ADGRF5: variants seen among roughly 807,000 people sequenced by gnomAD.
ADGRF5 encodes the protein G-protein coupled receptor 116.
In ADGRF5, 75 loss-of-function variants were observed where a neutral mutation model predicts 132.3. The observed-to-expected ratio is 0.57, with a 90% confidence interval of 0.47 to 0.69. The LOEUF (loss-of-function observed/expected upper bound fraction) is 0.69, where lower values mean the gene tolerates loss of function less well. Ranked by LOEUF, ADGRF5 falls within the 30% of genes least tolerant of loss-of-function variation. The probability of loss-of-function intolerance (pLI) is 0.00; values close to 1 mark genes in which losing one functional copy is unlikely to be tolerated. For missense variants in ADGRF5, 1,516 were observed against 1,630.6 expected, an observed-to-expected ratio of 0.93 and a Z score of 1.21; for synonymous variants, 629 against 597.6, an observed-to-expected ratio of 1.05 and a Z score of -0.77.
chr6:46,865,905 T>G (rs942121433), intron 13 of ADGRF5, among the ~76,000 whole-genome samples: 1 of 152,240 alleles, frequency 6.6e-6, no homozygotes, highest in East Asian at 1.9e-4. Context: ...CTCCCTTTCA[T>G]TGCCTACTAT....
intron 14 of ADGRF5, among the ~76,000 whole-genome samples, chr6:46,864,526 ATTT>A (rs200329634): frequency 0.22 from 31,594 of 141,528 alleles, 3,304 homozygotes; most frequent in East Asian, 0.36. Context: ...ACATGTAATA[ATTT>A]TTTTTTTTTT....
intron 10 of ADGRF5, among the ~76,000 whole-genome samples, chr6:46,875,190 C>G (rs1348961128): frequency 2.0e-5 from 3 of 152,012 alleles, no homozygotes; most frequent in African/African-American, 7.2e-5. Context: ...AGAAAAGGCT[C>G]CAAAGAGGTG....
At chr6:46,951,814 G>A (rs564183944) in intron 1 of ADGRF5, among the ~76,000 whole-genome samples, 6 of 152,292 alleles carry the variant, frequency 3.9e-5, no homozygotes, top group South Asian at 2.1e-4. Context: ...CAGGAGTCAC[G>A]GGCAAACTGT....
At chr6:46,863,530 G>C (rs577467278) in intron 14 of ADGRF5, among the ~76,000 whole-genome samples, 1 of 152,308 alleles carries the variant, frequency 6.6e-6, no homozygotes, top group Non-Finnish European at 1.5e-5. Context: ...ATAATTGCTA[G>C]TAGGAACTCT....
intron 1 of ADGRF5, among the ~76,000 whole-genome samples, chr6:46,939,310 A>T (rs550136400): frequency 6.6e-6 from 1 of 152,244 alleles, no homozygotes; most frequent in East Asian, 1.9e-4. Context: ...TGGATTGGGG[A>T]CAGGCAGGGC....
chr6:46,877,284 T>C (rs1185659738), intron 10 of ADGRF5, among the ~76,000 whole-genome samples: 4 of 46,880 alleles, frequency 8.5e-5, no homozygotes, highest in African/African-American at 1.1e-4. Context: ...TCTTTCTTTC[T>C]TTCTTTCTCT....
intron 1 of ADGRF5, among the ~76,000 whole-genome samples, chr6:46,919,305 G>T (rs1007726782): frequency 6.6e-6 from 1 of 152,172 alleles, no homozygotes; most frequent in Non-Finnish European, 1.5e-5. Context: ...AAAATTCATT[G>T]TGCCATTGAG....
chr6:46,951,250 C>A (rs761754), intron 1 of ADGRF5, among the ~76,000 whole-genome samples: 9 of 152,000 alleles, frequency 5.9e-5, no homozygotes, highest in Non-Finnish European at 1.2e-4. Context: ...AGGAGCAACA[C>A]GAAGCAAGAA....
intron 2 of ADGRF5, among the ~76,000 whole-genome samples, chr6:46,904,438 G>A (rs1775109862): frequency 6.6e-6 from 1 of 152,118 alleles, no homozygotes; most frequent in Non-Finnish European, 1.5e-5. Flanking sequence ...AGTGAAATAA[G>A]TCAGCCACAA....
At chr6:46,950,365 T>A (rs2113846155) in intron 1 of ADGRF5, among the ~76,000 whole-genome samples, 1 of 152,314 alleles carries the variant, frequency 6.6e-6, no homozygotes, top group East Asian at 1.9e-4. Context: ...AACCTTTAAA[T>A]ATTTAAAAGC....
At position 46,882,658 on chromosome 6, in the gene ADGRF5, T is replaced by G. The variant is rs112595009; in HGVS notation, c.613-551A>C. On this transcript the variant is annotated intron_variant, in intron 6 of 20. Coordinates refer to ENST00000283296, the MANE Select transcript of ADGRF5 (RefSeq NM_001098518.2). ...CTGCAGGATTGGTTGGTGTGCCAGGTACCTAGGTGGTTGCTATGTAACTCT... is the reference window on the plus strand; with the variant it reads ...CTGCAGGATTGGTTGGTGTGCCAGGGACCTAGGTGGTTGCTATGTAACTCT... Among the ~76,000 whole-genome samples the G allele has an allele frequency of 1.7e-3, 259 of 152,356 alleles. 1 individual carries two copies. Among genetic ancestry groups the G allele is most frequent in the African/African-American group, 5.9e-3 (245 of 41,592 alleles).
intron 5 of ADGRF5, 142 bp from the exon 6 acceptor site, chr6:46,883,807 T>C: frequency 1.6e-6 from 1 of 609,136 alleles, no homozygotes; most frequent in East Asian, 2.8e-5. Context: ...AACGGCACGA[T>C]CTCAGCTCAC....
intron 2 of ADGRF5, 127 bp downstream of exon 2, chr6:46,906,533 AC>A: frequency 1.5e-6 from 1 of 648,910 alleles, no homozygotes; most frequent in Non-Finnish European, 2.7e-6. Context: ...TTATGTTGCA[AC>A]TATGGGAAGA....
intron 1 of ADGRF5, among the ~76,000 whole-genome samples, chr6:46,913,183 A>G (rs1235083151): frequency 1.3e-5 from 2 of 152,288 alleles, no homozygotes; most frequent in East Asian, 3.9e-4. Context: ...GGAGTCAAGG[A>G]AACCGGGGAA....
rs781652424 is a variant in ADGRF5, at chr6:46,884,050, A to T, written c.505+45T>A. 7 of 1,480,612 alleles carry T rather than the reference A, an allele frequency of 4.7e-6. No individual in the cohort carries two copies. The East Asian group carries it at 1.6e-4, about 34-fold the overall frequency. The allele number at this position is 1,480,612 out of a possible 1,614,324, so 91.7% of individuals were successfully genotyped here. A position where few individuals can be genotyped will look rare whatever the true frequency, so the allele number is the denominator to read the frequency against. ...AGCCACCATGCCCAGTCGTAAACTG[A>T]TGTTGAATAGCCACTCAACGAGCAT... On this transcript the variant is annotated intron_variant, in intron 5 of 20. Coordinates refer to ENST00000283296, the MANE Select transcript of ADGRF5 (RefSeq NM_001098518.2).
At chr6:46,933,218 G>A (rs1482567427) in intron 1 of ADGRF5, among the ~76,000 whole-genome samples, 2 of 152,170 alleles carry the variant, frequency 1.3e-5, no homozygotes, top group African/African-American at 4.8e-5. Flanking sequence ...TAGTTAGCAA[G>A]GTCTTGGTAC....
At chr6:46,911,407 A>G (rs1172026101) in intron 1 of ADGRF5, among the ~76,000 whole-genome samples, 1 of 152,224 alleles carries the variant, frequency 6.6e-6, no homozygotes, top group Non-Finnish European at 1.5e-5. Context: ...TTGGGGAGGG[A>G]CAGGAGTAAT....
intron 10 of ADGRF5, 119 bp from the exon 11 acceptor site, chr6:46,872,132 G>T: frequency 1.5e-6 from 1 of 688,188 alleles, no homozygotes; most frequent in Non-Finnish European, 2.3e-6. Context: ...TTTCTTCTCT[G>T]AATGGAGAAG....
At position 46,900,082 on chromosome 6, in the gene ADGRF5, C is replaced by G. The variant is rs1774596507; in HGVS notation, c.104G>C (p.Ser35Thr). The change falls in exon 3 of 21, where the codon AGT (serine) becomes ACT (threonine). Residue 35 changes from serine (S) to threonine (T), a missense_variant and splice_region_variant. Ser to Thr is a moderately conservative substitution (Grantham distance 58, BLOSUM62 1). Around this residue, in one of 2 missense-constraint regions of ADGRF5, gnomAD observed 945 missense variants for 929.4 expected, o/e 1.02. Coordinates refer to ENST00000283296, the MANE Select transcript of ADGRF5 (RefSeq NM_001098518.2). ...WNYESTIHPL[S>T]LHEHEPAGEE... ...ACCAGCTGGTTCATGTTCATGAAGA[C>G]TCTGAAAAGAACATTTGAGAAAGTT... The G allele has an allele frequency of 1.2e-6, 2 of 1,610,974 alleles. No homozygotes were observed. The highest frequency in any genetic ancestry group is 2.7e-5 in the African/African-American group (2 of 74,966).
Sources: gnomAD v4.1 joint callset for allele counts (sites outside exome capture counted in the v4.1 genomes callset) on GRCh38, gnomAD v4.1.1 for gene constraint, gnomAD v4.1.1 regional missense constraint, MANE v1.5 for transcripts, NCBI Gene and HGNC (gene_info 2026-07-23, HGNC 2026-07-21) for gene names.